The following ARHGAP15 variants were observed in gnomAD, a reference collection of about 807,000 sequenced individuals.
ARHGAP15 encodes Rho GTPase activating protein 15.
A neutral mutation model predicts 63.7 loss-of-function variants in ARHGAP15; 51 were observed. The ratio of observed to expected loss-of-function variants is 0.80; its 90% CI spans 0.64 to 1.01. The LOEUF (loss-of-function observed/expected upper bound fraction) is 1.01. Among genes scored for constraint, ARHGAP15 ranks in the 50% least tolerant of loss-of-function variants. ARHGAP15 has a pLI of 0.00. For missense variants in ARHGAP15, 560 were observed against 564.6 expected (o/e 0.99, Z 0.08); for synonymous variants, 191 against 193.8 (o/e 0.99, Z 0.12).
intron 12 of ARHGAP15, among the ~76,000 whole-genome samples, chr2:143,685,150 G>A (rs1255288154): frequency 3.9e-5 from 6 of 152,216 alleles, no homozygotes; most frequent in Non-Finnish European, 5.9e-5. Flanking sequence ...CCTCCACACC[G>A]AAGTCGCATT....
intron 1 of ARHGAP15, among the ~76,000 whole-genome samples, chr2:143,142,125 A>G (rs1030456588): frequency 6.6e-6 from 1 of 152,006 alleles, no homozygotes; most frequent in African/African-American, 2.4e-5. Context: ...TTTCAATTGG[A>G]AATTGATTCA....
chr2:143,401,140 A>T (rs904745458), intron 6 of ARHGAP15, among the ~76,000 whole-genome samples: 1 of 152,084 alleles, frequency 6.6e-6, no homozygotes, highest in Non-Finnish European at 1.5e-5. Context: ...AACTATTTAC[A>T]TATCCTATAT....
At position 143,768,131 on chromosome 2, in the gene ARHGAP15, C is replaced by T. The variant is rs2072983185; in HGVS notation, c.1387C>T (p.Leu463=). Residue 463 remains leucine, a synonymous_variant, in exon 14 of 14, where the codon CTG becomes TTG. Coordinates refer to ENST00000295095, the MANE Select transcript of ARHGAP15 (RefSeq NM_018460.4). ...CCAGAACCAGATAGCTGAGCTCATG[C>T]TGAGTGAGTACAGTAAGATCTTCGG... ...VYQNQIAELM[L]SEYSKIFGSE... The T allele has an allele frequency of 6.2e-7, 1 of 1,613,638 alleles. No individual in the cohort carries two copies. Among genetic ancestry groups the T allele is most frequent in the Non-Finnish European group, 8.5e-7 (1 of 1,179,756 alleles).
intron 12 of ARHGAP15, among the ~76,000 whole-genome samples, chr2:143,691,031 AC>A (rs761507750): frequency 1.3e-5 from 2 of 152,170 alleles, no homozygotes; most frequent in South Asian, 2.1e-4. Flanking sequence ...TGAGGTTAGG[AC>A]AGCGGACGGA....
At chr2:143,379,181 A>G (rs2104935896) in intron 6 of ARHGAP15, among the ~76,000 whole-genome samples, 1 of 152,070 alleles carries the variant, frequency 6.6e-6, no homozygotes. Flanking sequence ...GTACATGACT[A>G]AACTAAAAAT....
At chr2:143,236,074 T>C in intron 5 of ARHGAP15, 1 of 1,385,018 alleles carries the variant, frequency 7.2e-7, no homozygotes, top group Non-Finnish European at 9.6e-7. Flanking sequence ...ATTTAGAACA[T>C]CCATTCATTT....
chr2:143,612,389 T>A (rs1698290450), intron 11 of ARHGAP15, among the ~76,000 whole-genome samples: 3 of 152,174 alleles, frequency 2.0e-5, no homozygotes, highest in African/African-American at 4.8e-5. Flanking sequence ...CTGTTTCAGT[T>A]AAAACTGAGG....
rs111639591 is a variant in ARHGAP15, at chr2:143,736,978, ACT to A, written c.1245-31006_1245-31005del. Among the ~76,000 whole-genome samples, 11 of 152,302 alleles carry A rather than the reference ACT, an allele frequency of 7.2e-5. 1 individual carries two copies. The highest frequency in any genetic ancestry group is 2.4e-4 in the African/African-American group (10 of 41,568). On this transcript the variant is annotated intron_variant, in intron 13 of 13. Coordinates refer to ENST00000295095, the MANE Select transcript of ARHGAP15 (RefSeq NM_018460.4). ...CTCCAAAGAAAGTGTTTGCAAAGCA[ACT>A]CTCTTCCTTTTGTGCTCATATTTCA...
At chr2:143,607,252 A>G (rs983302471) in intron 11 of ARHGAP15, among the ~76,000 whole-genome samples, 12 of 152,170 alleles carry the variant, frequency 7.9e-5, no homozygotes, top group Admixed American at 1.3e-4. Flanking sequence ...GAGGCTGGAG[A>G]GTCTTACTTA....
At chr2:143,484,328 T>C (rs1467470655) in intron 8 of ARHGAP15, among the ~76,000 whole-genome samples, 1 of 145,290 alleles carries the variant, frequency 6.9e-6, no homozygotes, top group Non-Finnish European at 1.5e-5. Flanking sequence ...ATCGCACCAC[T>C]GCACTCCAGC....
chr2:143,245,957 G>A (rs1270039354), intron 5 of ARHGAP15, among the ~76,000 whole-genome samples: 1 of 152,082 alleles, frequency 6.6e-6, no homozygotes, highest in African/African-American at 2.4e-5. Context: ...AGAATTTTGG[G>A]GCTGGAAGAC....
chr2:143,257,084 C>T (rs1044864560), intron 6 of ARHGAP15, among the ~76,000 whole-genome samples: 2 of 152,056 alleles, frequency 1.3e-5, no homozygotes, highest in Non-Finnish European at 2.9e-5. Flanking sequence ...GATTTATAAA[C>T]TAAGTGTATC....
intron 10 of ARHGAP15, among the ~76,000 whole-genome samples, chr2:143,529,309 C>T (rs1296485450): frequency 6.6e-6 from 1 of 152,090 alleles, no homozygotes; most frequent in Non-Finnish European, 1.5e-5. Context: ...TACTTTCTTA[C>T]TATCTCTTGA....
intron 11 of ARHGAP15, among the ~76,000 whole-genome samples, chr2:143,594,218 C>A (rs1294000914): frequency 1.3e-5 from 2 of 152,108 alleles, no homozygotes; most frequent in African/African-American, 4.8e-5. Context: ...GAGAGGAATG[C>A]TGTAAAATAA....
At chr2:143,319,166 T>A (rs74747563) in intron 6 of ARHGAP15, among the ~76,000 whole-genome samples, 2,905 of 152,122 alleles carry the variant, frequency 0.019, 95 homozygotes, top group African/African-American at 0.066. Context: ...GCTCCATTTC[T>A]TTTTCTATCC....
intron 6 of ARHGAP15, among the ~76,000 whole-genome samples, chr2:143,365,373 T>C (rs1034189104): frequency 6.6e-6 from 1 of 152,224 alleles, no homozygotes; most frequent in Non-Finnish European, 1.5e-5. Flanking sequence ...TAGGGAAATC[T>C]GGCAATCATC....
At chr2:143,626,169 G>A (rs1351524296) in intron 12 of ARHGAP15, among the ~76,000 whole-genome samples, 2 of 152,154 alleles carry the variant, frequency 1.3e-5, no homozygotes, top group Non-Finnish European at 2.9e-5. Context: ...TCTTGCAAGG[G>A]TTTCTGCCAA....
chr2:143,715,325 A>G (rs966615241), intron 13 of ARHGAP15, among the ~76,000 whole-genome samples: 7 of 152,218 alleles, frequency 4.6e-5, no homozygotes, highest in Non-Finnish European at 1.0e-4. Context: ...CCCACAAGAC[A>G]TGGGAATTCT....
At chr2:143,253,126 G>A (rs1279235799) in intron 6 of ARHGAP15, among the ~76,000 whole-genome samples, 1 of 151,940 alleles carries the variant, frequency 6.6e-6, no homozygotes. Context: ...ATTACAGATA[G>A]CAAATGACTA....
Sources: allele counts gnomAD v4.1 joint callset (sites outside exome capture counted in the v4.1 genomes callset), GRCh38; gene constraint gnomAD v4.1.1; transcripts MANE v1.5; gene names NCBI Gene and HGNC (gene_info 2026-07-23, HGNC 2026-07-21).